The following LINC00237 variants were observed in gnomAD, a reference collection of about 807,000 sequenced individuals.
LINC00237 encodes the protein long independently transcribed non-coding RNA 237.
intron 3 of LINC00237, among the ~76,000 whole-genome samples, chr20:21,086,496 T>C (rs67425864): frequency 6.8e-6 from 1 of 146,454 alleles, no homozygotes. Flanking sequence ...TCTATATATA[T>C]AGAGAGAGAT....
intron 1 of LINC00237, among the ~76,000 whole-genome samples, chr20:21,106,017 C>G (rs1017922064): frequency 1.3e-5 from 2 of 152,192 alleles, no homozygotes; most frequent in African/African-American, 4.8e-5. Context: ...CCCTTCCCCC[C>G]AGGGGTCTCC....
intron 1 of LINC00237, chr20:21,093,986 G>C (rs961845814): frequency 6.6e-6 from 1 of 152,244 alleles, no homozygotes; most frequent in African/African-American, 2.4e-5. Context: ...GGCAATGCTT[G>C]ACCCAAAGGA....
chr20:21,099,901 T>C (rs2030907816), intron 1 of LINC00237, among the ~76,000 whole-genome samples: 1 of 152,208 alleles, frequency 6.6e-6, no homozygotes, highest in Non-Finnish European at 1.5e-5. Context: ...CAGATGTTGT[T>C]TGGCTGAAGA....
At chr20:21,087,072 C>G (rs1247433440) in intron 3 of LINC00237, among the ~76,000 whole-genome samples, 1 of 145,472 alleles carries the variant, frequency 6.9e-6, no homozygotes, top group Non-Finnish European at 1.5e-5. Context: ...TATACACACC[C>G]ACACCCACAC....
rs1171165408 is a variant in LINC00237, at chr20:21,086,750, C to CTA, written n.560-864_560-863dup. ...TATAGTATACTATACTATACATGTA[C>CTA]TATATATATACATATACTATACTAT... On this transcript the variant is annotated intron_variant and non_coding_transcript_variant, in intron 3 of 3. Transcript: ENST00000691244. Among the ~76,000 whole-genome samples, 3 of 102,988 alleles carry CTA rather than the reference C, an allele frequency of 2.9e-5. No individual in the cohort carries two copies. The East Asian group carries it at 8.4e-4, about 29-fold the overall frequency. The allele number at this position is 102,988 out of a possible 152,430, so 67.6% of individuals were successfully genotyped here.
At chr20:21,086,635 C>G (rs559269280) in intron 3 of LINC00237, among the ~76,000 whole-genome samples, 1 of 68,644 alleles carries the variant, frequency 1.5e-5, no homozygotes, top group African/African-American at 4.9e-5. Context: ...ATATAGTATA[C>G]TATATATAGT....
At chr20:21,090,910 ATG>A (rs529829637) in intron 2 of LINC00237, among the ~76,000 whole-genome samples, 29 of 152,248 alleles carry the variant, frequency 1.9e-4, no homozygotes, top group African/African-American at 6.7e-4. Context: ...CCCGCCAATT[ATG>A]TGTTATCCGA....
At chr20:21,086,222 A>G (rs2030690917) in intron 3 of LINC00237, among the ~76,000 whole-genome samples, 1 of 152,198 alleles carries the variant, frequency 6.6e-6, no homozygotes. Flanking sequence ...ATAGTCTAGA[A>G]CAAAACCTGT....
chr20:21,102,905 C>T (rs1419108821), intron 1 of LINC00237, among the ~76,000 whole-genome samples: 6 of 152,240 alleles, frequency 3.9e-5, no homozygotes, highest in African/African-American at 1.4e-4. Flanking sequence ...TCGCCTCTCT[C>T]TCCCTCTGGA....
rs1340581735 is a variant in LINC00237, at chr20:21,101,871, G to A, written n.88+4400C>T. On this transcript the variant is annotated intron_variant and non_coding_transcript_variant, in intron 1 of 3. Coordinates refer to ENST00000691244, the Ensembl canonical transcript of LINC00237. This position sits in a 1 kb window ranked among gnomAD's most constrained non-coding sequence, Gnocchi z 4.3. ...GCCAGAGGCTGGCGGGGGCACGCGG[G>A]GGTGGTTGGGGGCGGAGTGCGGCGA... Among the ~76,000 whole-genome samples, 1 of 152,190 alleles carries A rather than the reference G, an allele frequency of 6.6e-6. No individual in the cohort carries two copies.
chr20:21,104,227 G>A (rs1427192385), intron 1 of LINC00237, among the ~76,000 whole-genome samples: 5 of 152,214 alleles, frequency 3.3e-5, no homozygotes, highest in Admixed American at 2.6e-4. Flanking sequence ...TATTTTTGGT[G>A]GCACCAGATA....
At chr20:21,097,941 T>C (rs1428780896) in intron 1 of LINC00237, among the ~76,000 whole-genome samples, 1 of 152,256 alleles carries the variant, frequency 6.6e-6, no homozygotes, top group East Asian at 1.9e-4. Context: ...TTCCATGTTC[T>C]GTAGCTTTAC....
chr20:21,098,614 A>G (rs2122178968), intron 1 of LINC00237, among the ~76,000 whole-genome samples: 1 of 152,362 alleles, frequency 6.6e-6, no homozygotes, highest in Non-Finnish European at 1.5e-5. Flanking sequence ...AAGCTCTAGC[A>G]TGTTACTGCT....
intron 1 of LINC00237, among the ~76,000 whole-genome samples, chr20:21,100,176 T>C (rs1028042968): frequency 3.3e-5 from 5 of 152,178 alleles, no homozygotes; most frequent in Non-Finnish European, 5.9e-5. Flanking sequence ...AATTATTTAA[T>C]TGAATCTTCA....
chr20:21,087,034 T>C, intron 3 of LINC00237, among the ~76,000 whole-genome samples: 1 of 145,492 alleles, frequency 6.9e-6, no homozygotes. Flanking sequence ...CTATATAGTA[T>C]ATAGAGTACA....
chr20:21,101,888 G>A lies in LINC00237; in HGVS notation n.88+4383C>T, dbSNP rs929056133. Among the ~76,000 whole-genome samples, 4 of 152,164 alleles carry A rather than the reference G, an allele frequency of 2.6e-5. No individual in the cohort carries two copies. Among genetic ancestry groups the A allele is most frequent in the African/African-American group, 7.2e-5 (3 of 41,454 alleles). Reference sequence around the variant, plus strand: ...GCACGCGGGGGTGGTTGGGGGCGGAGTGCGGCGAGGGGTGAGGGCGCGACC... The same window carrying A: ...GCACGCGGGGGTGGTTGGGGGCGGAATGCGGCGAGGGGTGAGGGCGCGACC... On this transcript the variant is annotated intron_variant and non_coding_transcript_variant, in intron 1 of 3. Transcript: ENST00000691244. The surrounding 1 kb of genome is among the most constrained non-coding windows in gnomAD (Gnocchi z 4.3).
chr20:21,091,239 T>C (rs570693015), intron 2 of LINC00237, among the ~76,000 whole-genome samples: 1 of 152,260 alleles, frequency 6.6e-6, no homozygotes, highest in East Asian at 1.9e-4. Flanking sequence ...GCAATCAGTA[T>C]GCACAACAGA....
intron 1 of LINC00237, among the ~76,000 whole-genome samples, chr20:21,105,880 A>C (rs2030992330): frequency 6.6e-6 from 1 of 152,004 alleles, no homozygotes; most frequent in Admixed American, 6.5e-5. Flanking sequence ...CGGGCTGGGG[A>C]AAAGAAGGGG....
intron 1 of LINC00237, among the ~76,000 whole-genome samples, chr20:21,097,476 C>G (rs899937550): frequency 1.3e-5 from 2 of 151,898 alleles, no homozygotes; most frequent in African/African-American, 4.8e-5. Context: ...AAAAAAAAAT[C>G]CTTTATGCTC....
Sources: gnomAD v4.1 joint callset for allele counts (sites outside exome capture counted in the v4.1 genomes callset) on GRCh38, gnomAD v4.1.1 for gene constraint, Gnocchi (gnomAD v3.1) non-coding constraint, MANE v1.5 for transcripts, NCBI Gene and HGNC (gene_info 2026-07-23, HGNC 2026-07-21) for gene names.